The following PLAGL1 variants were observed in gnomAD, a reference collection of about 807,000 sequenced individuals.
The protein encoded by PLAGL1 is zinc finger protein PLAGL1.
A neutral mutation model predicts 4.6 loss-of-function variants in PLAGL1; 1 was observed. The ratio of observed to expected loss-of-function variants is 0.22; its 90% CI spans 0.08 to 1.03. The LOEUF (loss-of-function observed/expected upper bound fraction) is 1.03, where lower values mean the gene tolerates loss of function less well. Ranked by LOEUF, PLAGL1 falls within the 50% of genes least tolerant of loss-of-function variation. The probability of loss-of-function intolerance (pLI) is 0.58; values close to 1 mark genes in which losing one functional copy is unlikely to be tolerated. For synonymous variants in PLAGL1, 240 were observed against 237.8 expected (o/e 1.01, Z -0.08); for missense variants, 464 against 570.4 (o/e 0.81, Z 1.90).
Position 143,955,485 on chromosome 6 carries a change from G to A in PLAGL1, c.-325+4984C>T, listed in dbSNP as rs1296963724. ...ACTCTTGAATTTATGTGGAGATGCA[G>A]TGAGGAGGGCGGGAAGAGAAGAGGT... On this transcript the variant is annotated intron_variant, in intron 6 of 7. Coordinates refer to ENST00000674357, the MANE Select transcript of PLAGL1 (RefSeq NM_001317162.2). The surrounding 1 kb of genome is among the most constrained non-coding windows in gnomAD (Gnocchi z 4.9). Among the ~76,000 whole-genome samples, 4 of 152,186 alleles carry A rather than the reference G, an allele frequency of 2.6e-5. No individual in the cohort carries two copies. The East Asian group carries it at 5.8e-4, about 22-fold the overall frequency.
chr6:143,978,678 C>T lies in PLAGL1; in HGVS notation c.-544+6457G>A, dbSNP rs1162216145. Among the ~76,000 whole-genome samples, 3 of 152,192 alleles carry T rather than the reference C, an allele frequency of 2.0e-5. No individual in the cohort carries two copies. The highest frequency in any genetic ancestry group is 4.4e-5 in the Non-Finnish European group (3 of 68,018). ...AATTCCATTATGGTCAGTGAACACT[C>T]TTTGTATGATTTAAATCCTTCAGAA... On this transcript the variant is annotated intron_variant, in intron 2 of 7. Transcript: ENST00000674357. The surrounding 1 kb of genome is among the most constrained non-coding windows in gnomAD (Gnocchi z 4.6).
In PLAGL1 at chr6:144,004,085, T is replaced by C. The variant is rs1372019749; in HGVS notation, c.-584+4005A>G. On this transcript the variant is annotated intron_variant, in intron 1 of 7. Coordinates refer to ENST00000674357, the MANE Select transcript of PLAGL1 (RefSeq NM_001317162.2). This position sits in a 1 kb window ranked among gnomAD's most constrained non-coding sequence, Gnocchi z 4.2. ...GAAGAGGTGTCAATAAATTTTTTTCTGTAAATGGCCACGTGGTAAATAGTT... is the reference window on the plus strand; with the variant it reads ...GAAGAGGTGTCAATAAATTTTTTTCCGTAAATGGCCACGTGGTAAATAGTT... Among the ~76,000 whole-genome samples, 1 of 152,230 alleles carries C rather than the reference T, an allele frequency of 6.6e-6. No individual in the cohort carries two copies. The highest frequency in any genetic ancestry group is 1.5e-5 in the Non-Finnish European group (1 of 68,034).
chr6:144,056,656 C>CTTTGTT lies in PLAGL1; in HGVS notation c.-151+7806_-151+7811dup, dbSNP rs566819692. On this transcript the variant is annotated intron_variant, in intron 1 of 3. Transcript: ENST00000437412. This position sits in a 1 kb window ranked among gnomAD's most constrained non-coding sequence, Gnocchi z 4.7. ...CATGTCCTTTCATGGCTTGATAGCTCTTTGTTTTTGTTTTTGTTTTTTTAA... is the reference window on the plus strand; with the variant it reads ...CATGTCCTTTCATGGCTTGATAGCTCTTTGTTTTTGTTTTTGTTTTTGTTTTTTTAA... 2.6e-5 allele frequency among the ~76,000 whole-genome samples: 4 copies of CTTTGTT among 152,044 alleles called. No individual in the cohort carries two copies. In the East Asian group the frequency reaches 5.8e-4, roughly 22 times the overall value.
rs926185277 is a variant in PLAGL1 at position 144,061,521 on chromosome 6, C to T, written c.-151+2947G>A. On this transcript the variant is annotated intron_variant, in intron 1 of 3. Transcript: ENST00000437412. The surrounding 1 kb of genome is among the most constrained non-coding windows in gnomAD (Gnocchi z 4.4). ...TATTATATCCCCATTGTACAATGAG[C>T]AGACACAGCTAATTGAGGACCTTGT... 1.3e-5 allele frequency among the ~76,000 whole-genome samples: 2 copies of T among 152,196 alleles called. No homozygotes were observed. The highest frequency in any genetic ancestry group is 4.1e-4 in the South Asian group (2 of 4,826).
Position 143,948,914 on chromosome 6 carries a change from G to A in PLAGL1, c.-324-454C>T, listed in dbSNP as rs149486761. ...ACTCATTGTTGGCATAACATTAGTTGCTTATCACACCTGTTTAAACTTCCA... is the reference window on the plus strand; with the variant it reads ...ACTCATTGTTGGCATAACATTAGTTACTTATCACACCTGTTTAAACTTCCA... On this transcript the variant is annotated intron_variant, in intron 6 of 7. Coordinates refer to ENST00000674357, the MANE Select transcript of PLAGL1 (RefSeq NM_001317162.2). The surrounding 1 kb of genome is among the most constrained non-coding windows in gnomAD (Gnocchi z 6.0). 4.6e-5 allele frequency among the ~76,000 whole-genome samples: 7 copies of A among 152,322 alleles called. No individual in the cohort carries two copies. The highest frequency in any genetic ancestry group is 4.6e-4 in the Admixed American group (7 of 15,300).
In PLAGL1 at chr6:144,039,296, A is replaced by C. The variant is rs1251930290; in HGVS notation, c.-151+25172T>G. ...TCAGATAATGAAATTTTAAAATATC[A>C]CATGCTGGCCAGATGCAGTGGCTCA... On this transcript the variant is annotated intron_variant, in intron 1 of 3. Transcript: ENST00000437412. This position sits in a 1 kb window ranked among gnomAD's most constrained non-coding sequence, Gnocchi z 4.1. Among the ~76,000 whole-genome samples, 1 of 152,202 alleles carries C rather than the reference A, an allele frequency of 6.6e-6. No homozygotes were observed. The highest frequency in any genetic ancestry group is 1.5e-5 in the Non-Finnish European group (1 of 68,046).
At position 143,942,340 on chromosome 6, in the gene PLAGL1, T is replaced by C; in HGVS notation, c.476A>G (p.Asp159Gly). The C allele has an allele frequency of 1.9e-6, 3 of 1,614,108 alleles. No homozygotes were observed. Among genetic ancestry groups the C allele is most frequent in the South Asian group, 1.1e-5 (1 of 91,078 alleles). The change falls in exon 8 of 8, where the codon GAC (aspartate) becomes GGC (glycine). Residue 159 changes from aspartate (D) to glycine (G), a missense_variant. Physicochemically the swap from Asp to Gly is moderately conservative, Grantham distance 94. Around this residue, in one of 4 missense-constraint regions of PLAGL1, gnomAD observed 35 missense variants for 77.3 expected, o/e 0.45. Coordinates refer to ENST00000674357, the MANE Select transcript of PLAGL1 (RefSeq NM_001317162.2). This position sits in a 1 kb window ranked among gnomAD's most constrained non-coding sequence, Gnocchi z 7.6. ...SGTKEKKHQC[D>G]HCERCFYTRK... ...GGTGTAGAAGCATCTTTCACAGTGGTCGCACTGGTGCTTCTTTTCCTTGGT... is the reference window on the plus strand; with the variant it reads ...GGTGTAGAAGCATCTTTCACAGTGGCCGCACTGGTGCTTCTTTTCCTTGGT...
chr6:143,979,725 G>A lies in PLAGL1; in HGVS notation c.-544+5410C>T, dbSNP rs570463771. 4.0e-5 allele frequency among the ~76,000 whole-genome samples: 6 copies of A among 151,444 alleles called. No individual in the cohort carries two copies. The highest frequency in any genetic ancestry group is 8.9e-5 in the Non-Finnish European group (6 of 67,796). ...AAAAATATTAATAATAATCATCATC[G>A]TATGTATTTATTTACCTAGGTGGTT... is the stretch of plus-strand genomic sequence containing the variant. On this transcript the variant is annotated intron_variant, in intron 2 of 7. Transcript: ENST00000674357. This position sits in a 1 kb window ranked among gnomAD's most constrained non-coding sequence, Gnocchi z 4.6.
At chr6:143,992,770 G>C (rs149280569) in intron 1 of PLAGL1, among the ~76,000 whole-genome samples, 1,695 of 152,260 alleles carry the variant, frequency 0.011, 36 homozygotes, top group African/African-American at 0.038. Flanking sequence ...TTGAGGTCAG[G>C]AGTTCAAGAC....
Position 144,027,242 on chromosome 6 carries a change from A to C in PLAGL1, c.-151+37226T>G, listed in dbSNP as rs76509808. 0.042 allele frequency among the ~76,000 whole-genome samples: 3,592 copies of C among 86,216 alleles called. 89 individuals carry two copies. The highest frequency in any genetic ancestry group is 0.12 in the East Asian group (438 of 3,688). The allele number at this position is 86,216 out of a possible 152,430, so 56.6% of individuals were successfully genotyped here. A position where few individuals can be genotyped will look rare whatever the true frequency, so the allele number is the denominator to read the frequency against. On this transcript the variant is annotated intron_variant, in intron 1 of 3. Transcript: ENST00000437412. The surrounding 1 kb of genome is among the most constrained non-coding windows in gnomAD (Gnocchi z 5.8). ...CCAACTCAAAGAACGAACGAAAGAA[A>C]GAAAGAAAGAAAGAAAGAAAGAAAG...
At position 144,059,088 on chromosome 6, in the gene PLAGL1, G is replaced by T. The variant is rs552730903; in HGVS notation, c.-151+5380C>A. On this transcript the variant is annotated intron_variant, in intron 1 of 3. Transcript: ENST00000437412. The surrounding 1 kb of genome is among the most constrained non-coding windows in gnomAD (Gnocchi z 4.9). ...GTCTCCACCCCTACAGCAGGCTTCT[G>T]CCTGTACACTCAGGCTTTCTGATAT... Among the ~76,000 whole-genome samples the T allele has an allele frequency of 1.3e-5, 2 of 152,158 alleles. No individual in the cohort carries two copies. Among genetic ancestry groups the T allele is most frequent in the Non-Finnish European group, 2.9e-5 (2 of 68,006 alleles).
chr6:143,991,752 C>T (rs933238676), intron 1 of PLAGL1, among the ~76,000 whole-genome samples: 4 of 152,230 alleles, frequency 2.6e-5, no homozygotes, highest in African/African-American at 9.6e-5. Context: ...GTCCAAAGAG[C>T]TTCAAGCCTG....
At position 143,941,839 on chromosome 6, in the gene PLAGL1, C is replaced by T; in HGVS notation, c.977G>A (p.Cys326Tyr). The T allele has an allele frequency of 6.2e-7, 1 of 1,614,136 alleles. No homozygotes were observed. Among genetic ancestry groups the T allele is most frequent in the Non-Finnish European group, 8.5e-7 (1 of 1,180,030 alleles). The change falls in exon 8 of 8, where the codon TGC becomes TAC. Residue 326 changes from cysteine (C) to tyrosine (Y), a missense_variant. Transcript: ENST00000674357. The surrounding 1 kb of genome is among the most constrained non-coding windows in gnomAD (Gnocchi z 6.0). Reference sequence around the variant, plus strand: ...CAAGTCCTCAAACAAACTGATATTGCAAAAACCTTTAGTATCTGCTTTGAG... The same window carrying T: ...CAAGTCCTCAAACAAACTGATATTGTAAAAACCTTTAGTATCTGCTTTGAG... ...LPLKADTKGFCNISLFEDLPL... is the reference protein window; with the variant it reads ...LPLKADTKGFYNISLFEDLPL...
At chr6:144,035,757 T>C (rs901249743) in intron 1 of PLAGL1, among the ~76,000 whole-genome samples, 1 of 152,242 alleles carries the variant, frequency 6.6e-6, no homozygotes, top group African/African-American at 2.4e-5. Flanking sequence ...TCTTGTTTTT[T>C]CTTCTTTTTG....
intron 1 of PLAGL1, among the ~76,000 whole-genome samples, chr6:144,043,386 G>C (rs951739963): frequency 2.0e-5 from 3 of 152,102 alleles, no homozygotes; most frequent in African/African-American, 7.2e-5. Flanking sequence ...TAGCATGAAG[G>C]GCTGTTGAAT....
rs1782565363 is a variant in PLAGL1 at position 143,958,170 on chromosome 6, G to A, written c.-325+2299C>T. Among the ~76,000 whole-genome samples, 1 of 152,256 alleles carries A rather than the reference G, an allele frequency of 6.6e-6. No homozygotes were observed. The highest frequency in any genetic ancestry group is 1.5e-5 in the Non-Finnish European group (1 of 68,048). On this transcript the variant is annotated intron_variant, in intron 6 of 7. Transcript: ENST00000674357. This position sits in a 1 kb window ranked among gnomAD's most constrained non-coding sequence, Gnocchi z 5.1. ...TTATCCTACAGGGAACTGGGAGCCA[G>A]TGAAAGTGAGGATGTCCCATCTACA...
At chr6:143,981,308 T>C (rs1369227706) in intron 2 of PLAGL1, among the ~76,000 whole-genome samples, 1 of 152,168 alleles carries the variant, frequency 6.6e-6, no homozygotes, top group Non-Finnish European at 1.5e-5. Context: ...TACTTTCTTC[T>C]TCCCAGTGCC....
intron 2 of PLAGL1, among the ~76,000 whole-genome samples, chr6:143,980,938 A>C (rs763616179): frequency 2.6e-5 from 4 of 152,236 alleles, no homozygotes; most frequent in Non-Finnish European, 5.9e-5. Context: ...TCTATAAATA[A>C]AATTTTATTG....
In PLAGL1 at chr6:144,006,898, G is replaced by A. The variant is rs896037159; in HGVS notation, c.-584+1192C>T. The A allele has an allele frequency of 3.3e-5, 5 of 152,140 alleles. No individual in the cohort carries two copies. The highest frequency in any genetic ancestry group is 1.3e-4 in the Admixed American group (2 of 15,278). 9.4% of individuals were successfully genotyped at this position (152,140 alleles called of 1,614,324 possible). ...GAGGAGGGGGAGAGAGATTCATAAA[G>A]CGAACACCCCTATGACCTGAGAGAC... On this transcript the variant is annotated intron_variant, in intron 1 of 7. Transcript: ENST00000674357. This position sits in a 1 kb window ranked among gnomAD's most constrained non-coding sequence, Gnocchi z 4.3.
Sources: allele counts gnomAD v4.1 joint callset (sites outside exome capture counted in the v4.1 genomes callset), GRCh38; gene constraint gnomAD v4.1.1; regional missense constraint gnomAD v4.1.1; non-coding constraint Gnocchi (gnomAD v3.1); transcripts MANE v1.5; gene names NCBI Gene and HGNC (gene_info 2026-07-23, HGNC 2026-07-21).